The following CSMD1 variants were observed in gnomAD, a reference collection of about 807,000 sequenced individuals.
CSMD1 encodes CUB and sushi domain-containing protein 1.
A neutral mutation model predicts 417.5 loss-of-function variants in CSMD1; 213 were observed. The observed-to-expected ratio is 0.51, with a 90% CI of 0.46 to 0.57. The LOEUF (loss-of-function observed/expected upper bound fraction) is 0.57, where lower values mean the gene tolerates loss of function less well. Ranked by LOEUF, CSMD1 falls within the 20% of genes least tolerant of loss-of-function variation. The probability of loss-of-function intolerance (pLI) is 0.00; values close to 1 mark genes in which losing one functional copy is unlikely to be tolerated. For synonymous variants in CSMD1, 2,862 were observed against 1,736.8 expected (o/e 1.65, Z -16.11); for missense variants, 6,923 against 4,529.7 (o/e 1.53, Z -15.17).
intron 2 of CSMD1, among the ~76,000 whole-genome samples, chr8:4,447,993 G>C (rs528432700): frequency 2.6e-5 from 4 of 152,106 alleles, no homozygotes; most frequent in Non-Finnish European, 4.4e-5. Context: ...GGAAATTTTT[G>C]CCAGGGGCAG....
intron 3 of CSMD1, among the ~76,000 whole-genome samples, chr8:4,042,145 A>C (rs1228915003): frequency 6.6e-6 from 1 of 152,166 alleles, no homozygotes; most frequent in African/African-American, 2.4e-5. Flanking sequence ...AAACTTCAAA[A>C]TTTACTAAAA....
In CSMD1 at chr8:3,087,278, G is replaced by A. The variant is rs1248964127; in HGVS notation, c.7293C>T (p.Tyr2431=). ...TCTTCAGGGGGTGGGTCAAACTGCA[G>A]TAAGGTGCTGTGGGCAGACAGACAC... ...KGFKIRYAAP[Y]CSLTHPLKNG... is the part of the protein sequence containing the mutation. Residue 2431 remains tyrosine, a synonymous_variant, in exon 49 of 70, where the codon TAC becomes TAT. Transcript: ENST00000635120. The A allele has an allele frequency of 6.2e-7, 1 of 1,613,634 alleles. No individual in the cohort carries two copies. Among genetic ancestry groups the A allele is most frequent in the African/African-American group, 1.3e-5 (1 of 74,938 alleles).
intron 5 of CSMD1, among the ~76,000 whole-genome samples, chr8:3,994,621 G>GT (rs200144595): frequency 1.3e-5 from 2 of 148,764 alleles, no homozygotes; most frequent in Non-Finnish European, 3.0e-5. Context: ...AATCCGACTA[G>GT]TTAAAAAAAA....
intron 3 of CSMD1, among the ~76,000 whole-genome samples, chr8:4,229,462 T>C (rs1007002835): frequency 6.6e-5 from 10 of 152,214 alleles, no homozygotes; most frequent in African/African-American, 2.4e-4. Flanking sequence ...AGACCCACAA[T>C]CACCAACAAG....
chr8:4,387,524 G>C (rs1055307730), intron 3 of CSMD1, among the ~76,000 whole-genome samples: 1 of 112,212 alleles, frequency 8.9e-6, no homozygotes, highest in African/African-American at 3.3e-5. Context: ...TTCTGTGGGA[G>C]CTTATCTTTT....
chr8:3,976,110 G>A (rs923724462), intron 5 of CSMD1, among the ~76,000 whole-genome samples: 1 of 151,580 alleles, frequency 6.6e-6, no homozygotes, highest in Non-Finnish European at 1.5e-5. Flanking sequence ...ATCTAATAGA[G>A]AAAATACATT....
chr8:2,945,852 C>T (rs530653818), intron 68 of CSMD1, among the ~76,000 whole-genome samples: 1 of 152,188 alleles, frequency 6.6e-6, no homozygotes, highest in Non-Finnish European at 1.5e-5. Context: ...TATAAATTTA[C>T]ATTTCTTTAC....
intron 59 of CSMD1, among the ~76,000 whole-genome samples, chr8:2,965,159 C>T (rs1803848525): frequency 6.6e-6 from 1 of 152,188 alleles, no homozygotes; most frequent in Non-Finnish European, 1.5e-5. Flanking sequence ...CTCAGCCCTG[C>T]TCCCTGTCAC....
chr8:3,567,640 T>G (rs1331999632), intron 10 of CSMD1, among the ~76,000 whole-genome samples: 2 of 151,910 alleles, frequency 1.3e-5, no homozygotes, highest in East Asian at 3.9e-4. Flanking sequence ...CAGCTCAAAT[T>G]CCCAGCCTTG....
chr8:4,069,467 A>G (rs1031719030), intron 3 of CSMD1, among the ~76,000 whole-genome samples: 2 of 152,130 alleles, frequency 1.3e-5, no homozygotes, highest in Non-Finnish European at 2.9e-5. Context: ...CTTTCGCAGG[A>G]TATTATCTCT....
At chr8:4,277,762 T>C (rs1440831934) in intron 3 of CSMD1, among the ~76,000 whole-genome samples, 5 of 152,188 alleles carry the variant, frequency 3.3e-5, no homozygotes, top group African/African-American at 1.2e-4. Context: ...TTTTTGTTTT[T>C]TCTGAGACGG....
intron 5 of CSMD1, among the ~76,000 whole-genome samples, chr8:3,914,278 A>G (rs1808654272): frequency 2.0e-5 from 3 of 152,262 alleles, no homozygotes; most frequent in Admixed American, 2.0e-4. Context: ...TACTTTGGAG[A>G]GAAAGGGTCA....
intron 49 of CSMD1, among the ~76,000 whole-genome samples, chr8:3,077,864 T>A (rs1813800488): frequency 6.6e-6 from 1 of 152,222 alleles, no homozygotes; most frequent in South Asian, 2.1e-4. Context: ...ACACAGGGCA[T>A]TTCACTGTCT....
chr8:3,046,063 A>G (rs891649738), intron 50 of CSMD1, among the ~76,000 whole-genome samples: 1 of 152,186 alleles, frequency 6.6e-6, no homozygotes, highest in Non-Finnish European at 1.5e-5. Context: ...TTTTGGAGAA[A>G]GGAGCTCAAA....
At chr8:4,332,570 C>T (rs960059547) in intron 3 of CSMD1, among the ~76,000 whole-genome samples, 4 of 56,314 alleles carry the variant, frequency 7.1e-5, no homozygotes, top group Non-Finnish European at 1.1e-4. Context: ...CACACACACA[C>T]ACACACACAC....
intron 1 of CSMD1, among the ~76,000 whole-genome samples, chr8:4,676,512 T>C (rs529833066): frequency 6.6e-6 from 1 of 152,274 alleles, no homozygotes; most frequent in South Asian, 2.1e-4. Context: ...GCCTTCCGAA[T>C]ATATCTCATA....
At chr8:4,908,676 T>A (rs1805463956) in intron 1 of CSMD1, among the ~76,000 whole-genome samples, 1 of 152,184 alleles carries the variant, frequency 6.6e-6, no homozygotes, top group Non-Finnish European at 1.5e-5. Context: ...CTAGGCTGTA[T>A]TCAGTCTAGC....
chr8:4,248,433 G>A (rs892164383), intron 3 of CSMD1, among the ~76,000 whole-genome samples: 1 of 152,092 alleles, frequency 6.6e-6, no homozygotes, highest in Non-Finnish European at 1.5e-5. Flanking sequence ...CCGTCCACTT[G>A]AACATAAGAT....
chr8:4,757,137 T>C (rs951452079), intron 1 of CSMD1, among the ~76,000 whole-genome samples: 4 of 152,348 alleles, frequency 2.6e-5, no homozygotes, highest in East Asian at 3.9e-4. Flanking sequence ...GTACTGAGAA[T>C]AGATGCGAAT....
Sources: allele counts gnomAD v4.1 joint callset (sites outside exome capture counted in the v4.1 genomes callset), GRCh38; gene constraint gnomAD v4.1.1; transcripts MANE v1.5; gene names NCBI Gene and HGNC (gene_info 2026-07-23, HGNC 2026-07-21).